The following TYW1B variants were observed in gnomAD, a reference collection of about 807,000 sequenced individuals.
TYW1B encodes the protein tRNA-yW synthesizing protein 1 homolog B.
In TYW1B, 73 loss-of-function variants were observed where a neutral mutation model predicts 86.9. The observed-to-expected ratio is 0.84, with a 90% CI of 0.70 to 1.02. The LOEUF (loss-of-function observed/expected upper bound fraction) is 1.02. Among genes scored for constraint, TYW1B ranks in the 50% least tolerant of loss-of-function variants. The pLI, the probability that TYW1B is intolerant of heterozygous loss-of-function variation, is 0.00. For synonymous variants in TYW1B, 248 were observed against 292.8 expected, an observed-to-expected ratio of 0.85 and a Z score of 1.56; for missense variants, 637 against 827.4, an observed-to-expected ratio of 0.77 and a Z score of 2.82.
At chr7:72,768,514 G>A (rs1414568867) in intron 7 of TYW1B, among the ~76,000 whole-genome samples, 6 of 152,150 alleles carry the variant, frequency 3.9e-5, no homozygotes, top group Admixed American at 6.6e-5. Context: ...TAGGCCAGGC[G>A]CGGTGGCTCA....
intron 13 of TYW1B, among the ~76,000 whole-genome samples, chr7:72,598,160 A>C (rs553719875): frequency 1.8e-4 from 27 of 152,284 alleles, no homozygotes; most frequent in South Asian, 4.1e-4. Flanking sequence ...GGCACAATTT[A>C]ATCAGTTTCC....
At chr7:72,784,541 A>G (rs1215369214) in intron 6 of TYW1B, among the ~76,000 whole-genome samples, 2 of 152,194 alleles carry the variant, frequency 1.3e-5, no homozygotes, top group Non-Finnish European at 2.9e-5. Context: ...GCTGTTGCCT[A>G]GGCTGGAGTA....
intron 3 of TYW1B, among the ~76,000 whole-genome samples, chr7:72,811,699 G>A (rs1202482923): frequency 3.2e-4 from 49 of 151,452 alleles, no homozygotes; most frequent in Non-Finnish European, 3.3e-4. Flanking sequence ...ATCACTTGAG[G>A]TCAGGAGTTC....
At chr7:72,618,095 G>A (rs1429926749) in intron 12 of TYW1B, among the ~76,000 whole-genome samples, 2 of 152,008 alleles carry the variant, frequency 1.3e-5, no homozygotes, top group African/African-American at 2.4e-5. Context: ...AACTGGGAGG[G>A]AGTGGGGAGA....
intron 11 of TYW1B, among the ~76,000 whole-genome samples, chr7:72,667,858 G>T (rs1405447691): frequency 5.3e-5 from 8 of 152,150 alleles, no homozygotes; most frequent in African/African-American, 1.9e-4. Context: ...AAAGTCAAAG[G>T]GTAGAGAAAA....
At chr7:72,595,058 GC>G (rs1410369960) in intron 13 of TYW1B, among the ~76,000 whole-genome samples, 1 of 152,144 alleles carries the variant, frequency 6.6e-6, no homozygotes, top group Non-Finnish European at 1.5e-5. Context: ...AACATTGAAA[GC>G]TTTTCCTCTA....
At chr7:72,632,366 C>A (rs1475850564) in intron 11 of TYW1B, among the ~76,000 whole-genome samples, 1 of 70,854 alleles carries the variant, frequency 1.4e-5, no homozygotes. Flanking sequence ...TATATATATA[C>A]GCATATATAT....
rs566850219 is a variant in TYW1B at position 72,738,302 on chromosome 7, C to T, written c.1082+6182G>A. Among the ~76,000 whole-genome samples, 191 of 151,896 alleles carry T rather than the reference C, an allele frequency of 1.3e-3. 1 individual carries two copies. The highest frequency in any genetic ancestry group is 0.013 in the Admixed American group (191 of 15,218). Reference sequence around the variant, plus strand: ...GTTTCCCTCTGTTGGCCAGGCTGGTCTTGAACTCCTGACCTCGTGATCCGC... The same window carrying T: ...GTTTCCCTCTGTTGGCCAGGCTGGTTTTGAACTCCTGACCTCGTGATCCGC... On this transcript the variant is annotated intron_variant, in intron 8 of 13. Coordinates refer to ENST00000620995, the MANE Select transcript of TYW1B (RefSeq NM_001145440.3).
At chr7:72,621,527 C>T (rs1812215286) in intron 12 of TYW1B, among the ~76,000 whole-genome samples, 1 of 152,214 alleles carries the variant, frequency 6.6e-6, no homozygotes, top group Admixed American at 6.5e-5. Context: ...CCTGTCTGCA[C>T]CTGGCTAAAC....
At chr7:72,828,045 G>C (rs1554481791) in intron 1 of TYW1B, 27 bp downstream of exon 1, 1 of 1,613,650 alleles carries the variant, frequency 6.2e-7, no homozygotes, top group Non-Finnish European at 8.5e-7. Context: ...TGCCGCCCCA[G>C]GGTCCTTGCC....
chr7:72,626,678 A>G (rs1812356755), intron 12 of TYW1B, among the ~76,000 whole-genome samples: 1 of 152,112 alleles, frequency 6.6e-6, no homozygotes, highest in Admixed American at 6.6e-5. Context: ...GCCCGTACCT[A>G]TAACCTAGCA....
At chr7:72,658,091 T>TA (rs1356229849) in intron 11 of TYW1B, among the ~76,000 whole-genome samples, 6 of 151,776 alleles carry the variant, frequency 4.0e-5, no homozygotes, top group African/African-American at 1.4e-4. Context: ...CCGTCTCTAC[T>TA]AAAAAAATAC....
rs74851809 is a variant in TYW1B at position 72,642,900 on chromosome 7, C to CA, written c.1507-13904dup. Among the ~76,000 whole-genome samples the CA allele has an allele frequency of 4.0e-5, 6 of 150,378 alleles. No homozygotes were observed. In the East Asian group the frequency reaches 5.8e-4, roughly 15 times the overall value. The stretch of plus-strand genomic sequence containing the variant: ...TGGGGAATAGAGCGAGACTCCGTCT[C>CA]AAAAAAAAAGATGAAGTTCTGATTC... On this transcript the variant is annotated intron_variant, in intron 11 of 13. Transcript: ENST00000620995.
At chr7:72,708,152 C>G (rs1253793483) in intron 10 of TYW1B, among the ~76,000 whole-genome samples, 1 of 152,108 alleles carries the variant, frequency 6.6e-6, no homozygotes, top group Non-Finnish European at 1.5e-5. Flanking sequence ...CAGTTACATG[C>G]TTTGGAGCTG....
chr7:72,745,615 G>C (rs1787379769), intron 7 of TYW1B, among the ~76,000 whole-genome samples: 1 of 151,964 alleles, frequency 6.6e-6, no homozygotes, highest in African/African-American at 2.4e-5. Flanking sequence ...TGAAGCCTGG[G>C]AGGAGGTTAT....
At chr7:72,700,735 T>C (rs1554452388) in intron 10 of TYW1B, among the ~76,000 whole-genome samples, 1 of 152,162 alleles carries the variant, frequency 6.6e-6, no homozygotes, top group African/African-American at 2.4e-5. Flanking sequence ...TGATAGTCTA[T>C]TTGATGAGTC....
At chr7:72,793,274 T>C (rs1554473889) in intron 6 of TYW1B, among the ~76,000 whole-genome samples, 1 of 149,694 alleles carries the variant, frequency 6.7e-6, no homozygotes, top group East Asian at 2.0e-4. Context: ...AAGGAGGAGG[T>C]TGCAGTGAGC....
Position 72,691,925 on chromosome 7 carries a change from G to A in TYW1B, c.1506+2762C>T, listed in dbSNP as rs35200236. Among the ~76,000 whole-genome samples the A allele has an allele frequency of 8.5e-5, 13 of 152,150 alleles. No homozygotes were observed. In the South Asian group the frequency reaches 2.7e-3, roughly 32 times the overall value. On this transcript the variant is annotated intron_variant, in intron 11 of 13. Transcript: ENST00000620995. ...ACCCATTCATTCTTTTAAGAAACAG[G>A]CTGGGTGCAGTGGCTCACACCTGTA...
intron 12 of TYW1B, among the ~76,000 whole-genome samples, chr7:72,619,437 C>A (rs1314070388): frequency 6.6e-6 from 1 of 151,574 alleles, no homozygotes; most frequent in Non-Finnish European, 1.5e-5. Context: ...GTCAGGAGAT[C>A]GAGACCATCC....
Sources: gnomAD v4.1 joint callset for allele counts (sites outside exome capture counted in the v4.1 genomes callset) on GRCh38, gnomAD v4.1.1 for gene constraint, MANE v1.5 for transcripts, NCBI Gene and HGNC (gene_info 2026-07-23, HGNC 2026-07-21) for gene names.